IL1RAPL2: variants seen among roughly 807,000 people sequenced by gnomAD.
The protein encoded by IL1RAPL2 is X-linked interleukin-1 receptor accessory protein-like 2.
A neutral mutation model predicts 44.1 loss-of-function variants in IL1RAPL2; 3 were observed. That is an observed-to-expected ratio of 0.07 (90% CI 0.03 to 0.18). The LOEUF (loss-of-function observed/expected upper bound fraction) is 0.18. Among genes scored for constraint, IL1RAPL2 ranks in the 10% least tolerant of loss-of-function variants. The pLI, the probability that IL1RAPL2 is intolerant of heterozygous loss-of-function variation, is 1.00. For missense variants in IL1RAPL2, 391 were observed against 496.4 expected (o/e 0.79, Z 2.02); for synonymous variants, 181 against 178.8 (o/e 1.01, Z -0.10).
intron 2 of IL1RAPL2, among the ~76,000 whole-genome samples, chrX:104,777,100 TG>T (rs1932730696): frequency 2.7e-5 from 3 of 111,426 alleles, no homozygotes; most frequent in Admixed American, 9.6e-5. Context: ...TACAGTTCAT[TG>T]GCAGTAAGTA....
At chrX:105,670,889 G>A (rs996012133) in intron 6 of IL1RAPL2, among the ~76,000 whole-genome samples, 6 of 106,645 alleles carry the variant, frequency 5.6e-5, no homozygotes, top group Admixed American at 1.0e-4. Flanking sequence ...GTGTGTGTGC[G>A]TGTATATATA....
chrX:105,010,741 A>G (rs1171871187), intron 2 of IL1RAPL2, among the ~76,000 whole-genome samples: 1 of 111,645 alleles, frequency 9.0e-6, no homozygotes, highest in Non-Finnish European at 1.9e-5. Flanking sequence ...GCTAAAAAGA[A>G]ATTAGCTGAA....
At chrX:105,606,252 A>G (rs904379917) in intron 6 of IL1RAPL2, among the ~76,000 whole-genome samples, 1 of 112,041 alleles carries the variant, frequency 8.9e-6, no homozygotes, top group Non-Finnish European at 1.9e-5. Context: ...TGATCTGAAT[A>G]GACATTTCTC....
chrX:104,580,965 G>T (rs1428262312), intron 1 of IL1RAPL2, among the ~76,000 whole-genome samples: 1 of 111,994 alleles, frequency 8.9e-6, no homozygotes, highest in Non-Finnish European at 1.9e-5. Context: ...TATGATTTTA[G>T]TACCATGCTC....
intron 5 of IL1RAPL2, among the ~76,000 whole-genome samples, chrX:105,348,825 C>G (rs1192194984): frequency 8.9e-6 from 1 of 111,763 alleles, no homozygotes; most frequent in Non-Finnish European, 1.9e-5. Context: ...GAAGCAATCA[C>G]GATGGGTGAG....
At chrX:104,608,970 G>C (rs915383519) in intron 1 of IL1RAPL2, among the ~76,000 whole-genome samples, 6 of 111,841 alleles carry the variant, frequency 5.4e-5, no homozygotes, top group Admixed American at 3.8e-4. Flanking sequence ...AATTTGGCAT[G>C]TTTTTGCAGT....
At chrX:104,681,933 A>T (rs977526642) in intron 2 of IL1RAPL2, among the ~76,000 whole-genome samples, 1 of 112,703 alleles carries the variant, frequency 8.9e-6, no homozygotes, top group African/African-American at 3.2e-5. Flanking sequence ...ACCACCCATA[A>T]ATATCTAAGT....
At chrX:105,657,475 A>T (rs971031228) in intron 6 of IL1RAPL2, among the ~76,000 whole-genome samples, 1 of 111,902 alleles carries the variant, frequency 8.9e-6, no homozygotes, top group Non-Finnish European at 1.9e-5. Context: ...ATCCATCTGT[A>T]TCTTGATATT....
chrX:104,772,523 T>G (rs2147598152), intron 2 of IL1RAPL2, among the ~76,000 whole-genome samples: 1 of 112,146 alleles, frequency 8.9e-6, no homozygotes, highest in Non-Finnish European at 1.9e-5. Flanking sequence ...AGCTATCGGT[T>G]ATTTGGTTGT....
At chrX:104,891,713 C>A (rs1923445870) in intron 2 of IL1RAPL2, among the ~76,000 whole-genome samples, 1 of 111,780 alleles carries the variant, frequency 8.9e-6, no homozygotes, top group South Asian at 3.8e-4. Flanking sequence ...ATGGAGTTTT[C>A]TAAATATACA....
chrX:105,572,833 A>G (rs186675558), intron 6 of IL1RAPL2, among the ~76,000 whole-genome samples: 41 of 112,066 alleles, frequency 3.7e-4, no homozygotes, highest in South Asian at 2.2e-3. Context: ...GCTGACCTAT[A>G]CTACAGTGCA....
rs141171680 is a variant in IL1RAPL2 at position 105,432,026 on chromosome X, A to C, written c.698-52287A>C. On this transcript the variant is annotated intron_variant, in intron 5 of 10. Transcript: ENST00000372582. ...GTGACCAGGTTTATCAACTATTGACAAGCTTAGTTTACCAAACCAAGAACC... is the reference window on the plus strand; with the variant it reads ...GTGACCAGGTTTATCAACTATTGACCAGCTTAGTTTACCAAACCAAGAACC... Among the ~76,000 whole-genome samples the C allele has an allele frequency of 6.2e-3, 682 of 110,298 alleles. 6 individuals are homozygous for C. The highest frequency in any genetic ancestry group is 0.021 in the African/African-American group (647 of 30,393).
At chrX:104,607,639 T>A (rs779085015) in intron 1 of IL1RAPL2, among the ~76,000 whole-genome samples, 94 of 111,945 alleles carry the variant, frequency 8.4e-4, no homozygotes, top group Non-Finnish European at 1.5e-3. Context: ...AAAATGCTCA[T>A]CATCACTGGT....
intron 2 of IL1RAPL2, among the ~76,000 whole-genome samples, chrX:104,767,177 G>A (rs1406726270): frequency 8.9e-6 from 1 of 111,911 alleles, no homozygotes; most frequent in Admixed American, 9.5e-5. Flanking sequence ...AATATCAGGT[G>A]CTGATTTGTC....
chrX:105,643,381 G>A (rs1259130014), intron 6 of IL1RAPL2, among the ~76,000 whole-genome samples: 2 of 111,536 alleles, frequency 1.8e-5, no homozygotes, highest in African/African-American at 6.5e-5. Context: ...TGGTTGAAAC[G>A]GGCAAGCAGG....
At chrX:104,813,427 G>C (rs1921048270) in intron 2 of IL1RAPL2, among the ~76,000 whole-genome samples, 1 of 111,058 alleles carries the variant, frequency 9.0e-6, no homozygotes, top group Non-Finnish European at 1.9e-5. Context: ...ACTCAGCTTT[G>C]AGCATTCATT....
intron 2 of IL1RAPL2, among the ~76,000 whole-genome samples, chrX:105,159,637 A>C (rs759805713): frequency 8.9e-5 from 10 of 112,140 alleles, no homozygotes; most frequent in Admixed American, 3.8e-4. Context: ...TGCTTTCCAC[A>C]CAAATTACTG....
chrX:105,014,272 C>A (rs1397554229), intron 2 of IL1RAPL2, among the ~76,000 whole-genome samples: 2 of 110,923 alleles, frequency 1.8e-5, no homozygotes, highest in East Asian at 2.8e-4. Context: ...GATTATAATT[C>A]TCTTCTTAAA....
chrX:105,740,817 G>A lies in IL1RAPL2; in HGVS notation c.1048+126G>A, dbSNP rs1040219007. On this transcript the variant is annotated intron_variant, in intron 8 of 10. Transcript: ENST00000372582. ...TTATTAACCATTTTGTCTTTTCAAG[G>A]AAAGATATTTCTCTTGCTCTGCATA... The A allele has an allele frequency of 3.3e-5, 20 of 597,124 alleles. No individual in the cohort carries two copies. In the African/African-American group the frequency reaches 4.1e-4, roughly 12 times the overall value. The allele number at this position is 597,124 out of a possible 1,213,427, so 49.2% of individuals were successfully genotyped here. A position where few individuals can be genotyped will look rare whatever the true frequency, so the allele number is the denominator to read the frequency against.
Sources: gnomAD v4.1 joint callset for allele counts (sites outside exome capture counted in the v4.1 genomes callset) on GRCh38, gnomAD v4.1.1 for gene constraint, MANE v1.5 for transcripts, NCBI Gene and HGNC (gene_info 2026-07-23, HGNC 2026-07-21) for gene names.